The following WSCD2 variants were observed in gnomAD, a reference collection of about 807,000 sequenced individuals.
WSCD2 encodes the protein sialate:O-sulfotransferase 2.
In WSCD2, 28 loss-of-function variants were observed where a neutral mutation model predicts 55.7. The ratio of observed to expected loss-of-function variants is 0.50; its 90% CI spans 0.37 to 0.69. The LOEUF is 0.69. WSCD2 is among the 30% of genes least tolerant of loss of function. The probability of loss-of-function intolerance (pLI) is 0.00; values close to 1 mark genes in which losing one functional copy is unlikely to be tolerated. For synonymous variants in WSCD2, 301 were observed against 301.9 expected, an observed-to-expected ratio of 1.00 and a Z score of 0.03; for missense variants, 616 against 762.1, an observed-to-expected ratio of 0.81 and a Z score of 2.26.
At chr12:108,134,730 A>G (rs914828511) in intron 1 of WSCD2, among the ~76,000 whole-genome samples, 1 of 152,174 alleles carries the variant, frequency 6.6e-6, no homozygotes, top group African/African-American at 2.4e-5. Context: ...TTGGTGTCCC[A>G]TTCGTACCTT....
intron 1 of WSCD2, among the ~76,000 whole-genome samples, chr12:108,170,839 G>T (rs932936674): frequency 1.3e-5 from 2 of 152,192 alleles, no homozygotes; most frequent in African/African-American, 4.8e-5. Flanking sequence ...CTGAGCTGGG[G>T]CTCAAAGCTA....
chr12:108,154,627 C>A (rs1878349490), intron 1 of WSCD2, among the ~76,000 whole-genome samples: 1 of 152,152 alleles, frequency 6.6e-6, no homozygotes, highest in Non-Finnish European at 1.5e-5. Context: ...ATTCTACTCA[C>A]CACAAAAGGG....
In WSCD2 at chr12:108,240,551, C is replaced by T. The variant is rs1306908231; in HGVS notation, c.1345+7C>T. 7.4e-7 allele frequency: 1 copy of T among 1,349,320 alleles called. No homozygotes were observed. The highest frequency in any genetic ancestry group is 9.8e-7 in the Non-Finnish European group (1 of 1,018,172). 83.6% of individuals were successfully genotyped at this position (1,349,320 alleles called of 1,614,324 possible). A position where few individuals can be genotyped will look rare whatever the true frequency, so the allele number is the denominator to read the frequency against. On this transcript the variant is annotated splice_region_variant and intron_variant, in intron 8 of 8. Coordinates refer to ENST00000547525, the MANE Select transcript of WSCD2 (RefSeq NM_014653.4). ...GCCCACTGGAAGGGCAAAGGTACAG[C>T]TCGGGAGAGGAGGGGAGGGGAGGGG...
chr12:108,189,194 T>C (rs1185765154), intron 1 of WSCD2, among the ~76,000 whole-genome samples: 1 of 152,204 alleles, frequency 6.6e-6, no homozygotes, highest in African/African-American at 2.4e-5. Flanking sequence ...GATAAGTAGT[T>C]CATTTAGGAA....
chr12:108,202,516 G>C (rs903223209), intron 2 of WSCD2, among the ~76,000 whole-genome samples: 1 of 151,974 alleles, frequency 6.6e-6, no homozygotes, highest in Non-Finnish European at 1.5e-5. Flanking sequence ...TAAAAGCCCA[G>C]GCTTATAAAA....
intron 1 of WSCD2, among the ~76,000 whole-genome samples, chr12:108,163,565 G>A (rs1347520595): frequency 6.6e-6 from 1 of 152,112 alleles, no homozygotes. Context: ...TCTTGAGATG[G>A]GATATTATCC....
intron 1 of WSCD2, among the ~76,000 whole-genome samples, chr12:108,192,651 C>T (rs1319920332): frequency 6.6e-6 from 1 of 152,208 alleles, no homozygotes; most frequent in African/African-American, 2.4e-5. Flanking sequence ...AGCCCACAGT[C>T]CCCCAAGCTC....
intron 1 of WSCD2, among the ~76,000 whole-genome samples, chr12:108,149,514 T>C (rs1877744060): frequency 6.6e-6 from 1 of 152,174 alleles, no homozygotes; most frequent in African/African-American, 2.4e-5. Context: ...ATTCCTGTGA[T>C]GAAAGTCCTG....
At chr12:108,200,534 G>A (rs963511089) in intron 2 of WSCD2, among the ~76,000 whole-genome samples, 1 of 152,066 alleles carries the variant, frequency 6.6e-6, no homozygotes, top group Non-Finnish European at 1.5e-5. Flanking sequence ...CCTACTACAT[G>A]CCCAGATCTT....
rs371020572 is a variant in WSCD2, at chr12:108,226,993, T to C, written c.808T>C (p.Tyr270His). Residue 270 changes from tyrosine (Y) to histidine (H), a missense_variant, in exon 6 of 9, where the codon TAC becomes CAC. Around this residue, in one of 3 missense-constraint regions of WSCD2, gnomAD observed 374 missense variants for 467.4 expected, o/e 0.80. Coordinates refer to ENST00000547525, the MANE Select transcript of WSCD2 (RefSeq NM_014653.4). Reference protein sequence around the residue: ...KCVDFCTEKEYPLAALAGTAC... With the variant: ...KCVDFCTEKEHPLAALAGTAC... ...TCTTCTCCCACTCCATCCCCAGGAG[T>C]ACCCGCTGGCAGCTCTTGCAGGCAC... 3.0e-5 allele frequency: 49 copies of C among 1,613,126 alleles called. No individual in the cohort carries two copies. In the African/African-American group the frequency reaches 5.7e-4, roughly 19 times the overall value.
chr12:108,241,650 A>C (rs1454369617), intron 8 of WSCD2, among the ~76,000 whole-genome samples: 1 of 152,250 alleles, frequency 6.6e-6, no homozygotes, highest in Non-Finnish European at 1.5e-5. Context: ...GCCTCTAATT[A>C]ACAAGAAGGT....
At chr12:108,214,656 C>A (rs775739853) in intron 4 of WSCD2, among the ~76,000 whole-genome samples, 12 of 152,188 alleles carry the variant, frequency 7.9e-5, no homozygotes, top group Non-Finnish European at 1.6e-4. Context: ...TTCATCAGAA[C>A]GGGGCTCCTG....
intron 1 of WSCD2, among the ~76,000 whole-genome samples, chr12:108,175,980 C>T (rs1880805864): frequency 6.6e-6 from 1 of 152,244 alleles, no homozygotes; most frequent in South Asian, 2.1e-4. Context: ...GCTGGGACTA[C>T]AGGCACCCGC....
chr12:108,185,457 T>A (rs1565943869), intron 1 of WSCD2, among the ~76,000 whole-genome samples: 1 of 152,228 alleles, frequency 6.6e-6, no homozygotes, highest in Middle Eastern at 3.4e-3. Context: ...ATTTTGCAGA[T>A]CTCAGCTCAA....
At chr12:108,191,198 G>C (rs1445048651) in intron 1 of WSCD2, among the ~76,000 whole-genome samples, 1 of 152,244 alleles carries the variant, frequency 6.6e-6, no homozygotes, top group Admixed American at 6.5e-5. Flanking sequence ...AGCTATCCCA[G>C]AGGGAGGAAT....
At position 108,248,721 on chromosome 12, in the gene WSCD2, T is replaced by A; in HGVS notation, c.*378T>A. ...CCATGGCAATTGTCAAGGCTCTTGA[T>A]GCAAGAGCCCAGGGGGCTATTGTAA... is the stretch of plus-strand genomic sequence containing the variant. On this transcript the variant is annotated 3_prime_UTR_variant, in exon 9 of 9. Coordinates refer to ENST00000547525, the MANE Select transcript of WSCD2 (RefSeq NM_014653.4). The surrounding 1 kb of genome is among the most constrained non-coding windows in gnomAD (Gnocchi z 4.3). 9.8e-7 allele frequency: 1 copy of A among 1,019,228 alleles called. No individual in the cohort carries two copies. Among genetic ancestry groups the A allele is most frequent in the South Asian group, 4.2e-5 (1 of 23,834 alleles). The allele number at this position is 1,019,228 out of a possible 1,614,324, so 63.1% of individuals were successfully genotyped here.
chr12:108,220,827 T>C (rs935084944), intron 4 of WSCD2, among the ~76,000 whole-genome samples: 1 of 152,190 alleles, frequency 6.6e-6, no homozygotes, highest in African/African-American at 2.4e-5. Context: ...TGTGACTCAC[T>C]GCACCCTGCC....
At chr12:108,175,488 G>T (rs1391892208) in intron 1 of WSCD2, among the ~76,000 whole-genome samples, 1 of 152,248 alleles carries the variant, frequency 6.6e-6, no homozygotes, top group African/African-American at 2.4e-5. Flanking sequence ...TGAGGCAAAT[G>T]TAAAAACAAA....
chr12:108,150,450 G>A (rs1228045157), intron 1 of WSCD2, among the ~76,000 whole-genome samples: 2 of 152,196 alleles, frequency 1.3e-5, no homozygotes, highest in African/African-American at 2.4e-5. Context: ...AGGAAGAGGT[G>A]TGGAGTCTAG....
Sources: gnomAD v4.1 joint callset for allele counts (sites outside exome capture counted in the v4.1 genomes callset) on GRCh38, gnomAD v4.1.1 for gene constraint, gnomAD v4.1.1 regional missense constraint, Gnocchi (gnomAD v3.1) non-coding constraint, MANE v1.5 for transcripts, NCBI Gene and HGNC (gene_info 2026-07-23, HGNC 2026-07-21) for gene names.